EYA2: variants seen among roughly 807,000 people sequenced by gnomAD.
EYA2 encodes the protein protein phosphatase EYA2.
Under a neutral mutation model 69.2 loss-of-function variants are expected in EYA2, and 31 were observed. The observed-to-expected ratio is 0.45, with a 90% CI of 0.34 to 0.60. The LOEUF is 0.60. Ranked by LOEUF, EYA2 falls within the 20% of genes least tolerant of loss-of-function variation. EYA2 has a pLI of 0.02. For synonymous variants in EYA2, 257 were observed against 279.4 expected (o/e 0.92, Z 0.80); for missense variants, 622 against 701.2 (o/e 0.89, Z 1.28).
intron 1 of EYA2, among the ~76,000 whole-genome samples, chr20:46,937,769 A>T (rs182019359): frequency 1.1e-3 from 168 of 151,890 alleles, no homozygotes; most frequent in Middle Eastern, 3.4e-3. Context: ...CTAACAGAGG[A>T]ACTTTTCAAA....
chr20:46,944,890 G>C (rs1978361939), intron 1 of EYA2, among the ~76,000 whole-genome samples: 1 of 152,144 alleles, frequency 6.6e-6, no homozygotes, highest in Admixed American at 6.5e-5. Flanking sequence ...GATCTCTTGA[G>C]CCCAGTAGTT....
chr20:47,068,176 G>A (rs2031184572), intron 5 of EYA2, among the ~76,000 whole-genome samples: 1 of 152,254 alleles, frequency 6.6e-6, no homozygotes. Flanking sequence ...CAGGATCGAT[G>A]TGAGGATTAA....
chr20:47,024,768 A>G (rs4809615), intron 5 of EYA2, among the ~76,000 whole-genome samples: 134,056 of 152,224 alleles, frequency 0.88, 59,799 homozygotes, highest in Non-Finnish European at 0.97. Flanking sequence ...GTCCATGCCT[A>G]AGGCCCAATG....
intron 8 of EYA2, among the ~76,000 whole-genome samples, chr20:47,096,486 GT>G (rs1310588666): frequency 1.3e-5 from 2 of 152,266 alleles, no homozygotes; most frequent in Non-Finnish European, 2.9e-5. Context: ...CTCCATGTTT[GT>G]TTACCTTTTT....
Position 47,188,165 on chromosome 20 carries a change from A to C in EYA2, c.*32A>C. 1.3e-6 allele frequency: 2 copies of C among 1,542,756 alleles called. No homozygotes were observed. Among genetic ancestry groups the C allele is most frequent in the South Asian group, 1.2e-5 (1 of 84,086 alleles). ...CAGCAGCATCTCCACCTGCCATCTC[A>C]CCCTCAGACCCCCTCGCCTTCCCCA... On this transcript the variant is annotated 3_prime_UTR_variant, in exon 16 of 16. Transcript: ENST00000327619.
rs565140446 is a variant in EYA2 at position 47,119,126 on chromosome 20, C to T, written c.888+21958C>T. ...CTAGCAGGTTGAGAAGCCGTCTCCC[C>T]TCCAACTACTCACCTGCACTTTTTA... On this transcript the variant is annotated intron_variant, in intron 9 of 15. Coordinates refer to ENST00000327619, the MANE Select transcript of EYA2 (RefSeq NM_005244.5). Among the ~76,000 whole-genome samples, 11 of 152,344 alleles carry T rather than the reference C, an allele frequency of 7.2e-5. No individual in the cohort carries two copies. The South Asian group carries it at 2.3e-3, about 32-fold the overall frequency.
At chr20:46,951,655 T>C (rs1168815010) in intron 1 of EYA2, among the ~76,000 whole-genome samples, 3 of 152,186 alleles carry the variant, frequency 2.0e-5, no homozygotes, top group Non-Finnish European at 2.9e-5. Context: ...GTCAGAGGAC[T>C]CAGATTCTTG....
At chr20:47,095,022 T>A (rs77762289) in intron 8 of EYA2, among the ~76,000 whole-genome samples, 46,718 of 151,298 alleles carry the variant, frequency 0.31, 8,848 homozygotes, top group Non-Finnish European at 0.41. Flanking sequence ...TCAAAAAAAA[T>A]TTTTTTAATT....
At chr20:47,040,369 C>G (rs776334334) in intron 5 of EYA2, among the ~76,000 whole-genome samples, 2 of 152,176 alleles carry the variant, frequency 1.3e-5, no homozygotes, top group Non-Finnish European at 2.9e-5. Flanking sequence ...CCACTTAGAG[C>G]CTGTCTCCGT....
intron 5 of EYA2, among the ~76,000 whole-genome samples, chr20:47,068,521 TTTGTTGTTG>T (rs140140822): frequency 6.6e-6 from 1 of 152,064 alleles, no homozygotes; most frequent in African/African-American, 2.4e-5. Context: ...CCCAGAAAGG[TTTGTTGTTG>T]TTGTTGTTGT....
intron 1 of EYA2, among the ~76,000 whole-genome samples, chr20:46,907,963 G>A (rs1984445782): frequency 6.6e-6 from 1 of 152,102 alleles, no homozygotes; most frequent in South Asian, 2.1e-4. Flanking sequence ...CTTTACATTG[G>A]GGAAAATGTG....
intron 1 of EYA2, among the ~76,000 whole-genome samples, chr20:46,967,939 G>A (rs1179713908): frequency 6.6e-6 from 1 of 152,206 alleles, no homozygotes; most frequent in African/African-American, 2.4e-5. Flanking sequence ...ATCTTATCTG[G>A]CTGACCATGG....
At position 47,148,499 on chromosome 20, in the gene EYA2, C is replaced by T. The variant is rs76080594; in HGVS notation, c.978+5351C>T. On this transcript the variant is annotated intron_variant, in intron 10 of 15. Coordinates refer to ENST00000327619, the MANE Select transcript of EYA2 (RefSeq NM_005244.5). ...AATTAGAAAACTATAACTAGCTTGC[C>T]GACCCCTGATTTTACAATCATTTTA... 2.3e-3 allele frequency among the ~76,000 whole-genome samples: 346 copies of T among 152,184 alleles called. 1 individual carries two copies. Among genetic ancestry groups the T allele is most frequent in the African/African-American group, 7.8e-3 (325 of 41,518 alleles).
chr20:47,134,007 C>G (rs201687684), intron 9 of EYA2, among the ~76,000 whole-genome samples: 2 of 152,226 alleles, frequency 1.3e-5, no homozygotes, highest in African/African-American at 2.4e-5. Context: ...CAGGAACTGG[C>G]CAAGGGCCAG....
chr20:47,167,871 C>G (rs1214155944), intron 10 of EYA2, among the ~76,000 whole-genome samples: 1 of 152,132 alleles, frequency 6.6e-6, no homozygotes, highest in Non-Finnish European at 1.5e-5. Context: ...TTTGGGGGTT[C>G]GTTATTCGGC....
intron 9 of EYA2, among the ~76,000 whole-genome samples, chr20:47,107,525 CAAAAAAAA>C (rs111607473): frequency 8.0e-6 from 1 of 125,276 alleles, no homozygotes; most frequent in South Asian, 2.6e-4. Context: ...GACTCTGTAT[CAAAAAAAA>C]AAAAAAAAGA....
At chr20:46,931,541 T>C (rs1332123682) in intron 1 of EYA2, among the ~76,000 whole-genome samples, 1 of 152,170 alleles carries the variant, frequency 6.6e-6, no homozygotes, top group Non-Finnish European at 1.5e-5. Flanking sequence ...ATAGGGTTGT[T>C]TGGGGATGAA....
At chr20:46,917,595 C>T (rs779713257) in intron 1 of EYA2, among the ~76,000 whole-genome samples, 18 of 152,242 alleles carry the variant, frequency 1.2e-4, no homozygotes, top group Non-Finnish European at 1.5e-4. Context: ...GGTTCCAGAA[C>T]GCCACAATAA....
At chr20:46,986,980 C>T (rs922415493) in intron 1 of EYA2, among the ~76,000 whole-genome samples, 3 of 152,194 alleles carry the variant, frequency 2.0e-5, no homozygotes, top group African/African-American at 7.2e-5. Context: ...ACAGAAAGTA[C>T]TTCCTATGTG....
Sources: allele counts gnomAD v4.1 joint callset (sites outside exome capture counted in the v4.1 genomes callset), GRCh38; gene constraint gnomAD v4.1.1; transcripts MANE v1.5; gene names NCBI Gene and HGNC (gene_info 2026-07-23, HGNC 2026-07-21).